Variants in MBTD1 observed in about 807,000 individuals in gnomAD.
The protein encoded by MBTD1 is mbt domain containing 1, also known as MBT domain-containing protein 1.
MBTD1 carries 24 observed loss-of-function variants against 87.8 expected under a neutral mutation model. That is an observed-to-expected ratio of 0.27 (90% CI 0.20 to 0.38). The LOEUF (loss-of-function observed/expected upper bound fraction) is 0.38. Among genes scored for constraint, MBTD1 ranks in the 10% least tolerant of loss-of-function variants. MBTD1 has a pLI of 1.00. For synonymous variants in MBTD1, 237 were observed against 248.6 expected, an observed-to-expected ratio of 0.95 and a Z score of 0.44; for missense variants, 436 against 760.2, an observed-to-expected ratio of 0.57 and a Z score of 5.02.
intron 13 of MBTD1, 74 bp from the exon 14 acceptor site, chr17:51,193,584 C>T: frequency 1.2e-6 from 1 of 837,880 alleles, no homozygotes; most frequent in Non-Finnish European, 2.0e-6. Context: ...CAAAAAGTAA[C>T]AGTACAAAAA....
chr17:51,227,933 C>T (rs1326850248), intron 2 of MBTD1, among the ~76,000 whole-genome samples: 1 of 143,344 alleles, frequency 7.0e-6, no homozygotes, highest in Admixed American at 7.3e-5. Flanking sequence ...GCCTGGGCGA[C>T]AGAGCAAGAT....
intron 12 of MBTD1, among the ~76,000 whole-genome samples, chr17:51,198,340 C>T (rs1012555678): frequency 1.6e-4 from 25 of 152,320 alleles, no homozygotes; most frequent in Non-Finnish European, 2.9e-4. Flanking sequence ...AAAGAACTCT[C>T]GGATGACTTG....
chr17:51,187,770 A>T (rs2145024256), intron 16 of MBTD1, among the ~76,000 whole-genome samples: 1 of 151,690 alleles, frequency 6.6e-6, no homozygotes, highest in East Asian at 2.0e-4. Context: ...AATCGCTTGA[A>T]TCCGGGAGGC....
Position 51,202,689 on chromosome 17 carries a change from A to C in MBTD1, c.1063+12T>G, listed in dbSNP as rs762175369. 3.8e-6 allele frequency: 6 copies of C among 1,596,650 alleles called. No individual in the cohort carries two copies. Among genetic ancestry groups the C allele is most frequent in the Non-Finnish European group, 5.2e-6 (6 of 1,164,062 alleles). On this transcript the variant is annotated intron_variant, in intron 10 of 16. Coordinates refer to ENST00000586178, the MANE Select transcript of MBTD1 (RefSeq NM_017643.3). ...GATGCTTTTGACAGGAGTTCTTGTGATAGGTGCTTACCAGATCTTTTGAAT... is the reference window on the plus strand; with the variant it reads ...GATGCTTTTGACAGGAGTTCTTGTGCTAGGTGCTTACCAGATCTTTTGAAT...
chr17:51,202,002 T>C lies in MBTD1; in HGVS notation c.1119+20A>G, dbSNP rs1398109210. The C allele has an allele frequency of 6.4e-7, 1 of 1,560,284 alleles. No homozygotes were observed. Among genetic ancestry groups the C allele is most frequent in the Non-Finnish European group, 8.8e-7 (1 of 1,134,650 alleles). On this transcript the variant is annotated intron_variant, in intron 11 of 16. Transcript: ENST00000586178. ...TTCAAACCTAATTTACAAATGAGGG[T>C]TCTTATAAAAACTTCTTACCTTAGC...
At chr17:51,244,844 T>C (rs928864036) in intron 2 of MBTD1, among the ~76,000 whole-genome samples, 1 of 152,134 alleles carries the variant, frequency 6.6e-6, no homozygotes, top group Non-Finnish European at 1.5e-5. Flanking sequence ...GGAACTCTAG[T>C]CCTTATTAGC....
Position 51,203,821 on chromosome 17 carries a change from C to T in MBTD1, c.709G>A (p.Ala237Thr). 1 of 1,613,164 alleles carries T rather than the reference C, an allele frequency of 6.2e-7. No homozygotes were observed. Among genetic ancestry groups the T allele is most frequent in the South Asian group, 1.1e-5 (1 of 90,966 alleles). ...GGAGGAACAAGAGGTTTTCCGCTGGCTGCACACCAACCAACTGGATGGATA... is the reference window on the plus strand; with the variant it reads ...GGAGGAACAAGAGGTTTTCCGCTGGTTGCACACCAACCAACTGGATGGATA... ...SDIHPVGWCA[A>T]SGKPLVPPRT... The change falls in exon 8 of 17, where the codon GCC becomes ACC. Residue 237 changes from alanine (A) to threonine (T), a missense_variant. By Grantham distance (58) the Ala-to-Thr change is moderately conservative. Around this residue, in one of 5 missense-constraint regions of MBTD1, gnomAD observed 268 missense variants for 401.8 expected, o/e 0.67. Transcript: ENST00000586178.
intron 16 of MBTD1, chr17:51,191,566 G>C (rs8076679): frequency 0.39 from 58,371 of 151,398 alleles, 11,735 homozygotes; most frequent in Non-Finnish European, 0.44. Context: ...TCTACTGTAA[G>C]CATCAAGCAT....
At chr17:51,202,150 C>A in intron 10 of MBTD1, 73 bp from the exon 11 acceptor site, 2 of 837,522 alleles carry the variant, frequency 2.4e-6, no homozygotes, top group South Asian at 2.8e-5. Flanking sequence ...TTGAAGGCTT[C>A]AAACTCACAA....
At chr17:51,215,339 T>C (rs1289236251) in intron 6 of MBTD1, among the ~76,000 whole-genome samples, 2 of 152,232 alleles carry the variant, frequency 1.3e-5, no homozygotes, top group Admixed American at 1.3e-4. Flanking sequence ...ATAACTTTAA[T>C]ATAGTATAAC....
chr17:51,186,613 A>G (rs1460086256), intron 16 of MBTD1, among the ~76,000 whole-genome samples: 1 of 152,114 alleles, frequency 6.6e-6, no homozygotes, highest in Non-Finnish European at 1.5e-5. Context: ...CATCTCTACT[A>G]AAAATACAAA....
intron 1 of MBTD1, 149 bp downstream of exon 1, chr17:51,259,686 G>T: frequency 2.9e-6 from 2 of 679,240 alleles, no homozygotes; most frequent in Non-Finnish European, 4.1e-6. Context: ...CGGCTGGAAG[G>T]GGGAGGGGGG....
chr17:51,214,370 T>C (rs58645719), intron 6 of MBTD1, among the ~76,000 whole-genome samples: 2,839 of 152,284 alleles, frequency 0.019, 63 homozygotes, highest in African/African-American at 0.046. Context: ...TATAAGCCAC[T>C]ATAAATAGTT....
chr17:51,194,557 A>C lies in MBTD1; in HGVS notation c.1372+657T>G, dbSNP rs1336504147. ...GCATTCCAGCCTGGGTGACAGAGCG[A>C]GACTGTCTCAAAAAAAAAAAAAAAA... On this transcript the variant is annotated intron_variant, in intron 13 of 16. Coordinates refer to ENST00000586178, the MANE Select transcript of MBTD1 (RefSeq NM_017643.3). 2.5e-5 allele frequency among the ~76,000 whole-genome samples: 3 copies of C among 117,742 alleles called. No homozygotes were observed. The East Asian group carries it at 8.4e-4, about 33-fold the overall frequency. 77.2% of individuals were successfully genotyped at this position (117,742 alleles called of 152,430 possible).
chr17:51,194,699 T>C (rs958703708), intron 13 of MBTD1, among the ~76,000 whole-genome samples: 3 of 143,662 alleles, frequency 2.1e-5, no homozygotes, highest in Non-Finnish European at 4.5e-5. Flanking sequence ...CTGGGTAACA[T>C]AGTGAGATTC....
Position 51,202,087 on chromosome 17 carries a change from A to G in MBTD1, c.1064-10T>C. On this transcript the variant is annotated splice_polypyrimidine_tract_variant and intron_variant, in intron 10 of 16. Transcript: ENST00000586178. ...TGTTTCTTTGTAATATCTACAAGGA[A>G]AAGTTACACACTAATCTGTCAGCAT... 1 of 1,561,356 alleles carries G rather than the reference A, an allele frequency of 6.4e-7. No individual in the cohort carries two copies. Among genetic ancestry groups the G allele is most frequent in the African/African-American group, 1.4e-5 (1 of 74,004 alleles).
intron 2 of MBTD1, among the ~76,000 whole-genome samples, chr17:51,233,459 A>C (rs1437032450): frequency 6.6e-6 from 1 of 152,192 alleles, no homozygotes; most frequent in Non-Finnish European, 1.5e-5. Context: ...TAGACCTTGG[A>C]ATTTAAAAAC....
intron 12 of MBTD1, among the ~76,000 whole-genome samples, chr17:51,201,282 T>G (rs912064923): frequency 5.3e-5 from 8 of 152,136 alleles, no homozygotes; most frequent in African/African-American, 1.9e-4. Context: ...AAACTGAAGA[T>G]AAACTTGGCC....
At chr17:51,242,960 T>A (rs1196644840) in intron 2 of MBTD1, among the ~76,000 whole-genome samples, 1 of 152,242 alleles carries the variant, frequency 6.6e-6, no homozygotes, top group African/African-American at 2.4e-5. Context: ...CCATTGTGTA[T>A]GTTTATTCAA....
Sources: gnomAD v4.1 joint callset for allele counts (sites outside exome capture counted in the v4.1 genomes callset) on GRCh38, gnomAD v4.1.1 for gene constraint, gnomAD v4.1.1 regional missense constraint, MANE v1.5 for transcripts, NCBI Gene and HGNC (gene_info 2026-07-23, HGNC 2026-07-21) for gene names.